Variants in SMG1 observed in about 807,000 individuals in gnomAD.
SMG1 encodes SMG1 nonsense mediated mRNA decay associated PI3K related kinase, also known as serine/threonine-protein kinase SMG1.
A neutral mutation model predicts 419.9 loss-of-function variants in SMG1; 22 were observed. That is an observed-to-expected ratio of 0.05 (90% confidence interval 0.04 to 0.07). SMG1 has a LOEUF of 0.07. Ranked by LOEUF, SMG1 falls within the 10% of genes least tolerant of loss-of-function variation. The probability of loss-of-function intolerance (pLI) is 1.00; values close to 1 mark genes in which losing one functional copy is unlikely to be tolerated. For missense variants in SMG1, 3,185 were observed against 4,342.0 expected (o/e 0.73, Z 7.49); for synonymous variants, 1,538 against 1,553.5 (o/e 0.99, Z 0.23).
chr16:18,836,199 G>A lies in SMG1; in HGVS notation c.7791C>T (p.Tyr2597=), dbSNP rs372468875. ...TCTGCAGAAAGGCTGTTGCTGGCACGTAACTTGGAGGACCTTTTGGTAAAA... is the reference window on the plus strand; with the variant it reads ...TCTGCAGAAAGGCTGTTGCTGGCACATAACTTGGAGGACCTTTTGGTAAAA... ...STQMDLGPPS[Y]VPATAFLQNA... Residue 2597 remains tyrosine (Y), a synonymous_variant, in exon 48 of 63, where the codon TAC becomes TAT. Coordinates refer to ENST00000446231, the MANE Select transcript of SMG1 (RefSeq NM_015092.5). 70 of 1,611,684 alleles carry A rather than the reference G, an allele frequency of 4.3e-5. No homozygotes were observed. The highest frequency in any genetic ancestry group is 1.6e-4 in the Middle Eastern group (1 of 6,084).
In SMG1 at chr16:18,871,344, A is replaced by G. The variant is rs1377879658; in HGVS notation, c.2302+20T>C. ...GGATTGATAAACAAAATAGAAAAAA[A>G]AAAAAAAACAGAGTCTTACTGTTGG... On this transcript the variant is annotated intron_variant, in intron 16 of 62. Coordinates refer to ENST00000446231, the MANE Select transcript of SMG1 (RefSeq NM_015092.5). 2.4e-6 allele frequency: 3 copies of G among 1,261,506 alleles called. No individual in the cohort carries two copies. The highest frequency in any genetic ancestry group is 5.3e-5 in the Admixed American group (2 of 37,426). 78.1% of individuals were successfully genotyped at this position (1,261,506 alleles called of 1,614,324 possible).
intron 45 of SMG1, 94 bp downstream of exon 45, chr16:18,837,920 A>G: frequency 7.2e-7 from 1 of 1,395,210 alleles, no homozygotes; most frequent in Non-Finnish European, 9.8e-7. Flanking sequence ...TTTGCCAAAA[A>G]AATTAGAGAA....
At chr16:18,916,978 TTA>T (rs1320031766) in intron 1 of SMG1, among the ~76,000 whole-genome samples, 1 of 152,006 alleles carries the variant, frequency 6.6e-6, no homozygotes, top group Non-Finnish European at 1.5e-5. Flanking sequence ...ACACTCCATT[TTA>T]TATGACACTT....
At chr16:18,897,955 C>T (rs967101073) in intron 1 of SMG1, among the ~76,000 whole-genome samples, 9 of 151,724 alleles carry the variant, frequency 5.9e-5, no homozygotes, top group Non-Finnish European at 1.3e-4. Context: ...GCTTTCTCAA[C>T]CTTTTAGAAC....
intron 60 of SMG1, 89 bp from the exon 61 acceptor site, chr16:18,812,216 T>G: frequency 1.7e-6 from 2 of 1,210,952 alleles, no homozygotes; most frequent in Non-Finnish European, 2.3e-6. Flanking sequence ...GTGGTAGTGG[T>G]TGATACCCCA....
chr16:18,812,024 T>C lies in SMG1; in HGVS notation c.10725A>G (p.Pro3575=). Residue 3575 remains proline, a synonymous_variant, in exon 61 of 63, where the codon CCA becomes CCG. Coordinates refer to ENST00000446231, the MANE Select transcript of SMG1 (RefSeq NM_015092.5). ...KNLATSADTP[P]STVPGTGKSV... ...TCTTGCCAGTTCCTGGAACGGTGCT[T>C]GGTGGAGTATCAGCTGATGTAGCAA... The C allele has an allele frequency of 2.5e-6, 4 of 1,613,978 alleles. No individual in the cohort carries two copies. Among genetic ancestry groups the C allele is most frequent in the Non-Finnish European group, 3.4e-6 (4 of 1,179,866 alleles).
rs1428743423 is a variant in SMG1 at position 18,872,636 on chromosome 16, C to T, written c.1891-12G>A. The T allele has an allele frequency of 1.4e-6, 2 of 1,386,330 alleles. No individual in the cohort carries two copies. Among genetic ancestry groups the T allele is most frequent in the South Asian group, 1.4e-5 (1 of 72,604 alleles). 85.9% of individuals were successfully genotyped at this position (1,386,330 alleles called of 1,614,324 possible). ...GATAGCGCCCACATCTGATCATGTA[C>T]AAAACAAAGTAAGTTTATGGCTTCT... On this transcript the variant is annotated splice_polypyrimidine_tract_variant and intron_variant, in intron 13 of 62. Coordinates refer to ENST00000446231, the MANE Select transcript of SMG1 (RefSeq NM_015092.5).
chr16:18,866,580 A>G (rs2035521877), intron 23 of SMG1, 41 bp downstream of exon 23: 1 of 1,560,296 alleles, frequency 6.4e-7, no homozygotes, highest in East Asian at 2.2e-5. Context: ...GAACTTAAAC[A>G]TAAAGTAATT....
intron 1 of SMG1, chr16:18,925,686 T>A (rs1463868740): frequency 6.0e-6 from 1 of 165,564 alleles, no homozygotes; most frequent in African/African-American, 2.6e-5. Flanking sequence ...CACCTCCTGG[T>A]CCCGACCCCA....
intron 57 of SMG1, among the ~76,000 whole-genome samples, 182 bp downstream of exon 57, chr16:18,817,109 G>A (rs2032070601): frequency 3.4e-5 from 1 of 29,826 alleles, no homozygotes; most frequent in African/African-American, 6.9e-5. Context: ...CATATAATAT[G>A]TTTCGGGGCG....
intron 1 of SMG1, among the ~76,000 whole-genome samples, chr16:18,908,933 A>G (rs1401045786): frequency 2.0e-5 from 3 of 152,184 alleles, no homozygotes; most frequent in Non-Finnish European, 4.4e-5. Context: ...CTGAAAATAG[A>G]TAATAACTGT....
intron 10 of SMG1, among the ~76,000 whole-genome samples, chr16:18,881,669 G>C (rs1310921604): frequency 1.3e-5 from 2 of 152,062 alleles, no homozygotes; most frequent in Non-Finnish European, 2.9e-5. Context: ...TAATGTTTGA[G>C]GCTGCTGAAG....
At position 18,850,081 on chromosome 16, in the gene SMG1, C is replaced by T. The variant is rs2034504581; in HGVS notation, c.5329G>A (p.Val1777Met). 1 of 1,613,856 alleles carries T rather than the reference C, an allele frequency of 6.2e-7. No individual in the cohort carries two copies. ...DDPRLHLSHR[V>M]EQSTDDMIVM... ...ATCATGTCATCAGTGCTCTGTTCCACTCTGTGACTTAAATGCAGCCTAGGG... is the reference window on the plus strand; with the variant it reads ...ATCATGTCATCAGTGCTCTGTTCCATTCTGTGACTTAAATGCAGCCTAGGG... The change falls in exon 35 of 63, where the codon GTG becomes ATG. Residue 1777 changes from valine (V) to methionine (M), a missense_variant. Physicochemically the swap from Val to Met is conservative, Grantham distance 21. Transcript: ENST00000446231.
At position 18,894,711 on chromosome 16, in the gene SMG1, T is replaced by C. The variant is rs1192773028; in HGVS notation, c.412+1341A>G. 6.1e-5 allele frequency among the ~76,000 whole-genome samples: 8 copies of C among 131,086 alleles called. No individual in the cohort carries two copies. The East Asian group carries it at 1.7e-3, about 28-fold the overall frequency. 86.0% of individuals were successfully genotyped at this position (131,086 alleles called of 152,430 possible). A position where few individuals can be genotyped will look rare whatever the true frequency, so the allele number is the denominator to read the frequency against. ...AAAAAAAAAAAAGTCAAAAACTAAA[T>C]GTCCAAAAAGTAATTACATCTGACA... On this transcript the variant is annotated intron_variant, in intron 3 of 62. Transcript: ENST00000446231.
At chr16:18,842,087 G>A (rs764277545) in intron 40 of SMG1, 121 bp downstream of exon 40, 67 of 1,115,322 alleles carry the variant, frequency 6.0e-5, no homozygotes, top group Non-Finnish European at 8.0e-5. Context: ...GGGCACTGCA[G>A]GCTAATAATG....
intron 56 of SMG1, 49 bp downstream of exon 56, chr16:18,819,453 C>G: frequency 6.3e-7 from 1 of 1,582,956 alleles, no homozygotes. Flanking sequence ...AGCTACTCAT[C>G]TAATCCTGTA....
At chr16:18,912,321 G>A (rs1567458955) in intron 1 of SMG1, among the ~76,000 whole-genome samples, 2 of 151,392 alleles carry the variant, frequency 1.3e-5, no homozygotes, top group African/African-American at 4.9e-5. Context: ...GATAACAATA[G>A]CAATAATAAT....
At chr16:18,872,452 A>C in intron 14 of SMG1, 42 bp downstream of exon 14, 1 of 1,509,006 alleles carries the variant, frequency 6.6e-7, no homozygotes, top group Admixed American at 2.5e-5. Context: ...AAAAAAAAAA[A>C]TGTTTTGTGG....
chr16:18,846,768 TAGG>T (rs1196140966), intron 38 of SMG1, among the ~76,000 whole-genome samples: 1 of 152,160 alleles, frequency 6.6e-6, no homozygotes, highest in Non-Finnish European at 1.5e-5. Context: ...CATGCATGGC[TAGG>T]AGGATTGTAA....
Sources: gnomAD v4.1 joint callset for allele counts (sites outside exome capture counted in the v4.1 genomes callset) on GRCh38, gnomAD v4.1.1 for gene constraint, MANE v1.5 for transcripts, NCBI Gene and HGNC (gene_info 2026-07-23, HGNC 2026-07-21) for gene names.